The following PTPRG variants were observed in gnomAD, a reference collection of about 807,000 sequenced individuals.
PTPRG encodes receptor-type tyrosine-protein phosphatase gamma.
A neutral mutation model predicts 165.3 loss-of-function variants in PTPRG; 102 were observed. The observed-to-expected ratio is 0.62, with a 90% CI of 0.53 to 0.73. The LOEUF is 0.73. Ranked by LOEUF, PTPRG falls within the 30% of genes least tolerant of loss-of-function variation. The probability of loss-of-function intolerance (pLI) is 0.00; values close to 1 mark genes in which losing one functional copy is unlikely to be tolerated. For missense variants in PTPRG, 1,866 were observed against 1,861.4 expected, an observed-to-expected ratio of 1.00 and a Z score of -0.05; for synonymous variants, 675 against 669.5, an observed-to-expected ratio of 1.01 and a Z score of -0.13.
intron 1 of PTPRG, among the ~76,000 whole-genome samples, chr3:61,642,316 G>A (rs531333050): frequency 1.3e-5 from 2 of 152,260 alleles, no homozygotes; most frequent in African/African-American, 2.4e-5. Flanking sequence ...CTCAAGTACA[G>A]TTTGTTATTT....
At chr3:62,241,236 C>A (rs973438658) in intron 14 of PTPRG, among the ~76,000 whole-genome samples, 14 of 152,126 alleles carry the variant, frequency 9.2e-5, no homozygotes, top group Non-Finnish European at 1.6e-4. Context: ...TTGCAGACAG[C>A]GGCGGGAATG....
At chr3:62,012,697 A>G (rs1294856705) in intron 4 of PTPRG, among the ~76,000 whole-genome samples, 1 of 152,148 alleles carries the variant, frequency 6.6e-6, no homozygotes, top group Non-Finnish European at 1.5e-5. Flanking sequence ...CACTTGTGGC[A>G]TCATATCAGA....
At chr3:61,836,718 T>G (rs1457346632) in intron 2 of PTPRG, among the ~76,000 whole-genome samples, 1 of 145,604 alleles carries the variant, frequency 6.9e-6, no homozygotes, top group African/African-American at 2.6e-5. Flanking sequence ...TGAAACCAGT[T>G]TTTTTGTTGT....
At position 62,271,450 on chromosome 3, in the gene PTPRG, G is replaced by A; in HGVS notation, c.3077G>A (p.Trp1026Ter). The A allele has an allele frequency of 6.2e-7, 1 of 1,613,734 alleles. No homozygotes were observed. Among genetic ancestry groups the A allele is most frequent in the South Asian group, 1.1e-5 (1 of 91,058 alleles). ...RVVIQYHYTQ[W>*]PDMGVPEYAL... ...GTGATCCAGTATCACTATACACAGT[G>A]GCCTGACATGGGAGTTCCCGAGTAT... The change falls in exon 21 of 30, where the codon TGG (tryptophan) becomes TAG (stop). Residue 1026 changes from tryptophan (W) to a stop codon, truncating the protein, a stop_gained. Coordinates refer to ENST00000474889, the MANE Select transcript of PTPRG (RefSeq NM_002841.4). LOFTEE classifies it high-confidence loss of function. The surrounding 1 kb of genome is among the most constrained non-coding windows in gnomAD (Gnocchi z 4.1).
intron 1 of PTPRG, among the ~76,000 whole-genome samples, chr3:61,632,885 C>T (rs113948090): frequency 1.3e-5 from 2 of 152,316 alleles, no homozygotes; most frequent in African/African-American, 2.4e-5. Context: ...CAAGATTCCA[C>T]ATGATCCAGC....
At chr3:62,069,372 A>G (rs1701125324) in intron 4 of PTPRG, among the ~76,000 whole-genome samples, 1 of 152,136 alleles carries the variant, frequency 6.6e-6, no homozygotes, top group Non-Finnish European at 1.5e-5. Flanking sequence ...TGCCAACTTT[A>G]TGGATATTTT....
At chr3:62,013,723 G>A (rs1042408239) in intron 4 of PTPRG, among the ~76,000 whole-genome samples, 4 of 150,884 alleles carry the variant, frequency 2.7e-5, no homozygotes, top group Non-Finnish European at 4.4e-5. Context: ...TAGTAGTTCA[G>A]TTTTATATTG....
chr3:61,741,699 G>C (rs1269776353), intron 1 of PTPRG, among the ~76,000 whole-genome samples: 1 of 152,136 alleles, frequency 6.6e-6, no homozygotes, highest in Admixed American at 6.5e-5. Context: ...TGACATAGCA[G>C]AGGTCAAGTC....
chr3:62,177,635 T>C (rs557808143), intron 8 of PTPRG, among the ~76,000 whole-genome samples: 1 of 152,298 alleles, frequency 6.6e-6, no homozygotes, highest in South Asian at 2.1e-4. Flanking sequence ...CCCCGTCTTG[T>C]ACTTTCCTTC....
At chr3:62,014,214 A>C (rs1374203265) in intron 4 of PTPRG, among the ~76,000 whole-genome samples, 1 of 152,308 alleles carries the variant, frequency 6.6e-6, no homozygotes. Context: ...TCCCTGGCAT[A>C]GAATTTCATT....
chr3:61,880,818 G>A (rs952445504), intron 2 of PTPRG, among the ~76,000 whole-genome samples: 8 of 152,126 alleles, frequency 5.3e-5, no homozygotes, highest in African/African-American at 1.7e-4. Context: ...CCACGGTAAC[G>A]TGGATTAGCA....
chr3:61,802,005 A>G (rs965733889), intron 2 of PTPRG, among the ~76,000 whole-genome samples: 1 of 148,918 alleles, frequency 6.7e-6, no homozygotes, highest in Non-Finnish European at 1.5e-5. Flanking sequence ...AGCCTGGCCA[A>G]CAGAGCAAGA....
At chr3:62,014,857 A>G (rs940757158) in intron 4 of PTPRG, among the ~76,000 whole-genome samples, 1 of 152,208 alleles carries the variant, frequency 6.6e-6, no homozygotes, top group Non-Finnish European at 1.5e-5. Flanking sequence ...TATTTTCTGG[A>G]TTCATCTTAT....
intron 1 of PTPRG, among the ~76,000 whole-genome samples, chr3:61,712,464 C>G (rs184559023): frequency 1.3e-5 from 2 of 151,942 alleles, no homozygotes; most frequent in Non-Finnish European, 2.9e-5. Context: ...TCCCATGTGT[C>G]GAAGGAGGGA....
chr3:62,016,857 GATT>G (rs2041557465), intron 4 of PTPRG, among the ~76,000 whole-genome samples: 1 of 152,174 alleles, frequency 6.6e-6, no homozygotes. Context: ...TCTTCTCCCT[GATT>G]ATCCCTCACT....
At chr3:61,634,518 C>T (rs1041832305) in intron 1 of PTPRG, among the ~76,000 whole-genome samples, 5 of 150,912 alleles carry the variant, frequency 3.3e-5, no homozygotes, top group African/African-American at 7.3e-5. Context: ...ATTACAGGCG[C>T]GTGAGCCACC....
In PTPRG at chr3:62,074,228, A is replaced by C. The variant is rs1296310388; in HGVS notation, c.520-3935A>C. On this transcript the variant is annotated intron_variant, in intron 4 of 29. Coordinates refer to ENST00000474889, the MANE Select transcript of PTPRG (RefSeq NM_002841.4). ...GTGTGTGTGTATACAGAGAGAGCGC[A>C]AAAGAGGTATAGTATAAATAATTGG... Among the ~76,000 whole-genome samples, 3 of 150,264 alleles carry C rather than the reference A, an allele frequency of 2.0e-5. 1 individual carries two copies. The highest frequency in any genetic ancestry group is 7.4e-5 in the African/African-American group (3 of 40,730).
At chr3:61,650,553 G>A (rs1702322634) in intron 1 of PTPRG, among the ~76,000 whole-genome samples, 2 of 152,192 alleles carry the variant, frequency 1.3e-5, no homozygotes, top group South Asian at 2.1e-4. Flanking sequence ...AGGGAAGACC[G>A]TAGACCTCAG....
intron 4 of PTPRG, among the ~76,000 whole-genome samples, chr3:62,069,236 C>G (rs1233903705): frequency 6.6e-6 from 1 of 152,178 alleles, no homozygotes; most frequent in East Asian, 1.9e-4. Flanking sequence ...TACAACAGCC[C>G]CTTGAGGTGT....
Sources: allele counts gnomAD v4.1 joint callset (sites outside exome capture counted in the v4.1 genomes callset), GRCh38; gene constraint gnomAD v4.1.1; non-coding constraint Gnocchi (gnomAD v3.1); transcripts MANE v1.5; gene names NCBI Gene and HGNC (gene_info 2026-07-23, HGNC 2026-07-21).